COL23A1: variants seen among roughly 807,000 people sequenced by gnomAD.
COL23A1 encodes collagen alpha-1(XXIII) chain.
COL23A1 carries 97 observed loss-of-function variants against 99.3 expected under a neutral mutation model. That is an observed-to-expected ratio of 0.98 (90% CI 0.83 to 1.16). The LOEUF is 1.16. Among genes scored for constraint, COL23A1 ranks in the 50% most tolerant of loss-of-function variants. The pLI, the probability that COL23A1 is intolerant of heterozygous loss-of-function variation, is 0.00. For missense variants in COL23A1, 762 were observed against 757.4 expected (o/e 1.01, Z -0.07); for synonymous variants, 320 against 308.2 (o/e 1.04, Z -0.40).
chr5:178,302,153 G>T (rs2127598276), intron 3 of COL23A1, among the ~76,000 whole-genome samples: 1 of 106,456 alleles, frequency 9.4e-6, no homozygotes, highest in South Asian at 2.7e-4. Flanking sequence ...ACCTGTGTGT[G>T]CGCCGGAGCA....
At chr5:178,535,537 G>T (rs904823041) in intron 2 of COL23A1, among the ~76,000 whole-genome samples, 2 of 152,274 alleles carry the variant, frequency 1.3e-5, no homozygotes, top group Non-Finnish European at 2.9e-5. Context: ...CAGCCCAGAG[G>T]CCCAGCTGGC....
At chr5:178,516,981 T>C (rs1463186700) in intron 2 of COL23A1, among the ~76,000 whole-genome samples, 1 of 152,200 alleles carries the variant, frequency 6.6e-6, no homozygotes, top group Admixed American at 6.5e-5. Flanking sequence ...CGCCTGTCAC[T>C]GAGGTGGGCA....
rs114064744 is a variant in COL23A1, at chr5:178,239,471, G to A, written c.1582-292C>T. The stretch of plus-strand genomic sequence containing the variant: ...ACAGGAGGGCACTAGGAAGGGATGA[G>A]CATTGTGCCAGACATGTACAGGCTG... On this transcript the variant is annotated intron_variant, in intron 27 of 28. Coordinates refer to ENST00000390654, the MANE Select transcript of COL23A1 (RefSeq NM_173465.4). Among the ~76,000 whole-genome samples the A allele has an allele frequency of 1.9e-3, 288 of 152,344 alleles. 1 individual carries two copies. The highest frequency in any genetic ancestry group is 6.8e-3 in the African/African-American group (282 of 41,566).
chr5:178,318,857 G>C (rs1759123619), intron 2 of COL23A1, among the ~76,000 whole-genome samples: 1 of 150,610 alleles, frequency 6.6e-6, no homozygotes, highest in African/African-American at 2.4e-5. Flanking sequence ...AGCCGAGATT[G>C]TGCCACTGCA....
intron 2 of COL23A1, among the ~76,000 whole-genome samples, chr5:178,553,309 A>G (rs1313744570): frequency 6.6e-6 from 1 of 152,186 alleles, no homozygotes. Flanking sequence ...GACATTTTCC[A>G]TAAACTATCA....
At chr5:178,553,443 A>T (rs1037450412) in intron 2 of COL23A1, among the ~76,000 whole-genome samples, 3 of 152,224 alleles carry the variant, frequency 2.0e-5, no homozygotes, top group Non-Finnish European at 4.4e-5. Flanking sequence ...ACTTGCATTA[A>T]ACTCTGGATT....
chr5:178,523,235 GAGAC>G (rs1760101770), intron 2 of COL23A1, among the ~76,000 whole-genome samples: 1 of 101,764 alleles, frequency 9.8e-6, no homozygotes, highest in Non-Finnish European at 2.0e-5. Context: ...GACAGAGGGA[GAGAC>G]AGAGAGAGAG....
chr5:178,367,562 C>T (rs1192575436), intron 2 of COL23A1, among the ~76,000 whole-genome samples: 1 of 152,148 alleles, frequency 6.6e-6, no homozygotes, highest in Non-Finnish European at 1.5e-5. Flanking sequence ...TAGGTGAACA[C>T]TAGGTCCCAC....
chr5:178,442,154 C>T (rs1656148544), intron 2 of COL23A1, among the ~76,000 whole-genome samples: 3 of 151,740 alleles, frequency 2.0e-5, no homozygotes, highest in Admixed American at 6.6e-5. Flanking sequence ...GGCCAAGGTC[C>T]CCAGATGATT....
intron 2 of COL23A1, among the ~76,000 whole-genome samples, chr5:178,515,854 A>T (rs962234900): frequency 3.3e-5 from 5 of 151,978 alleles, no homozygotes; most frequent in African/African-American, 1.2e-4. Context: ...TCCCCCAGTA[A>T]CGCACCAAGT....
At chr5:178,356,438 G>A (rs1307845658) in intron 2 of COL23A1, among the ~76,000 whole-genome samples, 1 of 152,140 alleles carries the variant, frequency 6.6e-6, no homozygotes, top group Non-Finnish European at 1.5e-5. Context: ...TAAAAGAGGG[G>A]GCATTTGTTT....
intron 2 of COL23A1, among the ~76,000 whole-genome samples, chr5:178,466,947 A>G (rs1425577954): frequency 6.6e-6 from 1 of 152,244 alleles, no homozygotes; most frequent in Non-Finnish European, 1.5e-5. Context: ...CCACAGCCTC[A>G]GTTTCCCCAG....
At chr5:178,305,900 C>T (rs1392063174) in intron 3 of COL23A1, among the ~76,000 whole-genome samples, 1 of 152,124 alleles carries the variant, frequency 6.6e-6, no homozygotes. Flanking sequence ...CACAGGGAAG[C>T]AGGTGGCTAG....
Position 178,309,152 on chromosome 5 carries a change from C to T in COL23A1, c.362-2233G>A, listed in dbSNP as rs185385489. Among the ~76,000 whole-genome samples the T allele has an allele frequency of 2.3e-4, 35 of 152,328 alleles. No homozygotes were observed. The highest frequency in any genetic ancestry group is 6.8e-3 in the Middle Eastern group (2 of 294). Reference sequence around the variant, plus strand: ...CACTGGGTACGACTAGGAAGTTCTCCGTCTGGGTAACTGAAGCCAGATGAA... The same window carrying T: ...CACTGGGTACGACTAGGAAGTTCTCTGTCTGGGTAACTGAAGCCAGATGAA... On this transcript the variant is annotated intron_variant, in intron 2 of 28. Transcript: ENST00000390654. The surrounding 1 kb of genome is among the most constrained non-coding windows in gnomAD (Gnocchi z 4.7).
intron 5 of COL23A1, among the ~76,000 whole-genome samples, chr5:178,275,058 G>A (rs953560990): frequency 2.0e-5 from 3 of 152,032 alleles, no homozygotes; most frequent in African/African-American, 7.2e-5. Context: ...ACCTGTCCTG[G>A]GACCCCGGAT....
intron 2 of COL23A1, among the ~76,000 whole-genome samples, chr5:178,364,834 G>A (rs752770987): frequency 2.0e-5 from 3 of 152,146 alleles, no homozygotes; most frequent in Non-Finnish European, 2.9e-5. Flanking sequence ...TCACCTATGG[G>A]GAAGCCGGCA....
At chr5:178,449,832 C>T (rs1051903476) in intron 2 of COL23A1, among the ~76,000 whole-genome samples, 5 of 152,064 alleles carry the variant, frequency 3.3e-5, no homozygotes, top group African/African-American at 4.8e-5. Flanking sequence ...CATCCAGCGC[C>T]GGTTAGTAAG....
chr5:178,543,901 T>C (rs1761436246), intron 2 of COL23A1, among the ~76,000 whole-genome samples: 1 of 152,148 alleles, frequency 6.6e-6, no homozygotes. Flanking sequence ...ATTCAGCGTC[T>C]GGTGAGGCCG....
chr5:178,260,909 GAT>G (rs1248916657), intron 11 of COL23A1, among the ~76,000 whole-genome samples: 3 of 152,212 alleles, frequency 2.0e-5, no homozygotes, highest in African/African-American at 7.2e-5. Flanking sequence ...CACAGTGGTG[GAT>G]ACTTGTCAAC....
Sources: allele counts gnomAD v4.1 joint callset (sites outside exome capture counted in the v4.1 genomes callset), GRCh38; gene constraint gnomAD v4.1.1; non-coding constraint Gnocchi (gnomAD v3.1); transcripts MANE v1.5; gene names NCBI Gene and HGNC (gene_info 2026-07-23, HGNC 2026-07-21).